Variants in LAMA1 observed in about 807,000 individuals in gnomAD.
LAMA1 encodes laminin subunit alpha-1.
A neutral mutation model predicts 348.7 loss-of-function variants in LAMA1; 219 were observed. The ratio of observed to expected loss-of-function variants is 0.63; its 90% CI spans 0.56 to 0.70. LAMA1 has a LOEUF of 0.70. LAMA1 is among the 30% of genes least tolerant of loss of function. The pLI is 0.00. For missense variants in LAMA1, 3,744 were observed against 3,888.0 expected, an observed-to-expected ratio of 0.96 and a Z score of 0.99; for synonymous variants, 1,487 against 1,491.0, an observed-to-expected ratio of 1.00 and a Z score of 0.06.
chr18:7,001,786 C>A (rs559852562), intron 30 of LAMA1, among the ~76,000 whole-genome samples: 79 of 152,266 alleles, frequency 5.2e-4, no homozygotes, highest in African/African-American at 1.8e-3. Context: ...TAATTCTGTA[C>A]AAGCATCATA....
At chr18:7,011,546 A>T (rs968006385) in intron 24 of LAMA1, 67 bp from the exon 25 acceptor site, 2 of 1,403,332 alleles carry the variant, frequency 1.4e-6, no homozygotes, top group Non-Finnish European at 2.0e-6. Context: ...TTCATTCTTT[A>T]GATTCCATCA....
At chr18:6,991,893 T>C (rs1249662635) in intron 36 of LAMA1, among the ~76,000 whole-genome samples, 1 of 152,232 alleles carries the variant, frequency 6.6e-6, no homozygotes, top group Non-Finnish European at 1.5e-5. Flanking sequence ...TTCATTAGAT[T>C]ATAGTTTAGA....
intron 1 of LAMA1, among the ~76,000 whole-genome samples, chr18:7,083,997 T>A (rs1010623480): frequency 4.9e-5 from 7 of 142,626 alleles, no homozygotes; most frequent in African/African-American, 1.8e-4. Flanking sequence ...CACTTAAAGT[T>A]GAGAAGCGGA....
chr18:7,085,049 C>T (rs566890205), intron 1 of LAMA1, among the ~76,000 whole-genome samples: 166 of 149,284 alleles, frequency 1.1e-3, no homozygotes, highest in Non-Finnish European at 1.8e-3. Flanking sequence ...AAAAAAGTTT[C>T]TGAGTTCTAG....
chr18:7,070,529 T>C (rs955683473), intron 3 of LAMA1, among the ~76,000 whole-genome samples: 1 of 152,214 alleles, frequency 6.6e-6, no homozygotes, highest in African/African-American at 2.4e-5. Flanking sequence ...CACTCAATAC[T>C]GGTCAATTTT....
In LAMA1 at chr18:7,052,026, T is replaced by TC. The variant is rs149559920; in HGVS notation, c.346-1091dup. ...CCAAAACTTGGAAGCAACCAAGATG[T>TC]CCTTTAATAGGTAAATAGAAACACA... On this transcript the variant is annotated intron_variant, in intron 3 of 62. Transcript: ENST00000389658. 2.5e-3 allele frequency among the ~76,000 whole-genome samples: 381 copies of TC among 152,284 alleles called. 1 individual carries two copies. Among genetic ancestry groups the TC allele is most frequent in the African/African-American group, 7.1e-3 (294 of 41,566 alleles).
chr18:7,107,618 T>C (rs1237273610), intron 1 of LAMA1, among the ~76,000 whole-genome samples: 1 of 152,028 alleles, frequency 6.6e-6, no homozygotes, highest in Non-Finnish European at 1.5e-5. Flanking sequence ...CATGGATGAA[T>C]GAGTGAATAA....
rs1362389026 is a variant in LAMA1 at position 7,023,269 on chromosome 18, CTG to C, written c.2594_2595del (p.Ser865CysfsTer18). 1 of 1,614,168 alleles carries C rather than the reference CTG, an allele frequency of 6.2e-7. No homozygotes were observed. Among genetic ancestry groups the C allele is most frequent in the Non-Finnish European group, 8.5e-7 (1 of 1,180,040 alleles). On this transcript the variant is annotated frameshift_variant, in exon 19 of 63. Transcript: ENST00000389658. LOFTEE classifies it high-confidence loss of function. Reference protein sequence around the residue: ...VDPSEAGHCDSVTGECLKCLG... With the variant: ...VDPSEAGHCDXVTGECLKCLG... ...AGGCACTTCAGGCACTCCCCGGTGA[CTG>C]AGTCACAGTGACCAGCCTCCGAGGG...
At chr18:7,078,505 G>A (rs1407956558) in intron 3 of LAMA1, among the ~76,000 whole-genome samples, 1 of 152,088 alleles carries the variant, frequency 6.6e-6, no homozygotes, top group Non-Finnish European at 1.5e-5. Flanking sequence ...AAATATTAAG[G>A]AGTGTCACAT....
At position 7,013,736 on chromosome 18, in the gene LAMA1, C is replaced by T. The variant is rs527914172; in HGVS notation, c.3363+79G>A. On this transcript the variant is annotated intron_variant, in intron 23 of 62. Transcript: ENST00000389658. ...AGGAAAAGCATCCAAAACCTGGCTG[C>T]TTAGGTAAGTAGTCAAAGCCCAGGA... The T allele has an allele frequency of 3.5e-5, 50 of 1,413,284 alleles. 1 individual carries two copies. The highest frequency in any genetic ancestry group is 2.7e-4 in the South Asian group (23 of 83,820). The allele number at this position is 1,413,284 out of a possible 1,614,324, so 87.5% of individuals were successfully genotyped here. A position where few individuals can be genotyped will look rare whatever the true frequency, so the allele number is the denominator to read the frequency against.
In LAMA1 at chr18:6,983,219, G is replaced by A. The variant is rs2057720097; in HGVS notation, c.5676C>T (p.Ile1892=). The part of the protein sequence containing the change: ...ADVLYSGLEN[I]RNVSLNATSA... ...TGGTGGCATTCAGGGACACATTTCT[G>A]ATGTTTTCAAGGCCACTATCAAAGC... The change falls in exon 40 of 63, where the codon ATC becomes ATT. Residue 1892 remains isoleucine, a synonymous_variant. Coordinates refer to ENST00000389658, the MANE Select transcript of LAMA1 (RefSeq NM_005559.4). 2 of 1,614,022 alleles carry A rather than the reference G, an allele frequency of 1.2e-6. No individual in the cohort carries two copies. The highest frequency in any genetic ancestry group is 1.7e-5 in the Admixed American group (1 of 60,004).
chr18:6,969,309 G>T (rs950196046), intron 48 of LAMA1, among the ~76,000 whole-genome samples: 1 of 152,090 alleles, frequency 6.6e-6, no homozygotes, highest in African/African-American at 2.4e-5. Context: ...AAAGTGCTGG[G>T]ATTACAGGCG....
intron 1 of LAMA1, among the ~76,000 whole-genome samples, chr18:7,095,294 G>C (rs1415515644): frequency 6.6e-6 from 1 of 152,072 alleles, no homozygotes; most frequent in Non-Finnish European, 1.5e-5. Context: ...TCAAAACCCA[G>C]GCTGGACCAC....
intron 3 of LAMA1, among the ~76,000 whole-genome samples, chr18:7,052,961 A>G (rs2058067982): frequency 6.6e-6 from 1 of 152,216 alleles, no homozygotes; most frequent in Non-Finnish European, 1.5e-5. Context: ...CGGAGGTTGT[A>G]GTGAGCCGAG....
At chr18:7,093,926 CCA>C (rs1168019790) in intron 1 of LAMA1, among the ~76,000 whole-genome samples, 2 of 151,904 alleles carry the variant, frequency 1.3e-5, no homozygotes, top group South Asian at 4.2e-4. Flanking sequence ...CAGGTGTGTG[CCA>C]CCATGCCCGG....
At chr18:6,962,705 T>C (rs1378353593) in intron 51 of LAMA1, among the ~76,000 whole-genome samples, 2 of 152,242 alleles carry the variant, frequency 1.3e-5, no homozygotes, top group African/African-American at 2.4e-5. Flanking sequence ...TAGAGTAGAA[T>C]GTTTGCTTCC....
intron 3 of LAMA1, among the ~76,000 whole-genome samples, chr18:7,059,208 C>T (rs745842495): frequency 3.6e-4 from 55 of 152,260 alleles, no homozygotes; most frequent in Admixed American, 1.8e-3. Context: ...GAATATTAAA[C>T]CCTTGTCCCA....
chr18:7,026,780 G>A (rs904532473), intron 16 of LAMA1, among the ~76,000 whole-genome samples: 2 of 151,762 alleles, frequency 1.3e-5, no homozygotes, highest in Non-Finnish European at 2.9e-5. Context: ...GGTGGATTGC[G>A]AGGTCAGGAG....
chr18:7,009,509 C>A, intron 26 of LAMA1, 143 bp from the exon 27 acceptor site: 1 of 837,770 alleles, frequency 1.2e-6, no homozygotes, highest in Non-Finnish European at 1.9e-6. Flanking sequence ...TGACAAAGAC[C>A]TCCTGAAACC....
Sources: gnomAD v4.1 joint callset for allele counts (sites outside exome capture counted in the v4.1 genomes callset) on GRCh38, gnomAD v4.1.1 for gene constraint, MANE v1.5 for transcripts, NCBI Gene and HGNC (gene_info 2026-07-23, HGNC 2026-07-21) for gene names.